The following PLPPR5 variants were observed in gnomAD, a reference collection of about 807,000 sequenced individuals.
PLPPR5 encodes phospholipid phosphatase related 5.
PLPPR5 carries 16 observed loss-of-function variants against 33.9 expected under a neutral mutation model. The observed-to-expected ratio is 0.47, with a 90% confidence interval of 0.32 to 0.72. The LOEUF is 0.72. PLPPR5 is among the 30% of genes least tolerant of loss of function. The probability of loss-of-function intolerance (pLI) is 0.03; values close to 1 mark genes in which losing one functional copy is unlikely to be tolerated. For missense variants in PLPPR5, 301 were observed against 406.7 expected (o/e 0.74, Z 2.23); for synonymous variants, 163 against 150.3 (o/e 1.08, Z -0.62).
intron 3 of PLPPR5, among the ~76,000 whole-genome samples, chr1:98,944,999 A>G (rs1470197622): frequency 1.3e-5 from 2 of 152,234 alleles, no homozygotes; most frequent in Admixed American, 1.3e-4. Flanking sequence ...GCTGCTCATT[A>G]TAAGTTGTTG....
At chr1:98,900,936 A>T (rs1473142724) in intron 5 of PLPPR5, among the ~76,000 whole-genome samples, 3 of 152,220 alleles carry the variant, frequency 2.0e-5, no homozygotes, top group Admixed American at 2.0e-4. Context: ...TGTTTTATAA[A>T]GGTAAATATA....
At chr1:98,995,877 G>T (rs1362562319) in intron 1 of PLPPR5, among the ~76,000 whole-genome samples, 3 of 152,056 alleles carry the variant, frequency 2.0e-5, no homozygotes, top group African/African-American at 7.2e-5. Flanking sequence ...ATGAACTTCA[G>T]TTGGTGTCTG....
chr1:98,985,994 C>A (rs888470337), intron 1 of PLPPR5, among the ~76,000 whole-genome samples: 1 of 151,952 alleles, frequency 6.6e-6, no homozygotes, highest in African/African-American at 2.4e-5. Context: ...GTTTAAGGAA[C>A]AACTGAAGTA....
chr1:98,954,887 CG>C (rs1650945388), intron 2 of PLPPR5, among the ~76,000 whole-genome samples: 1 of 151,994 alleles, frequency 6.6e-6, no homozygotes, highest in Non-Finnish European at 1.5e-5. Context: ...TTTGGTGTAA[CG>C]GGTTTTCCTG....
chr1:98,944,999 A>T (rs1470197622), intron 3 of PLPPR5, among the ~76,000 whole-genome samples: 1 of 152,352 alleles, frequency 6.6e-6, no homozygotes, highest in Middle Eastern at 3.4e-3. Flanking sequence ...GCTGCTCATT[A>T]TAAGTTGTTG....
chr1:98,940,324 T>C (rs1321512736), intron 3 of PLPPR5, among the ~76,000 whole-genome samples: 2 of 151,816 alleles, frequency 1.3e-5, no homozygotes, highest in Non-Finnish European at 2.9e-5. Flanking sequence ...CTGCTGTCTC[T>C]TCTTATAAGG....
intron 2 of PLPPR5, 146 bp from the exon 3 acceptor site, chr1:98,953,466 T>A (rs979947640): frequency 8.0e-7 from 1 of 1,246,862 alleles, no homozygotes; most frequent in Admixed American, 2.7e-5. Context: ...ATATACATAG[T>A]TCCTTTTATT....
intron 3 of PLPPR5, among the ~76,000 whole-genome samples, chr1:98,946,872 A>G (rs1327890888): frequency 3.9e-5 from 6 of 152,204 alleles, no homozygotes; most frequent in Non-Finnish European, 8.8e-5. Context: ...TTTTTAGGTG[A>G]AAAGAAAATG....
chr1:98,973,736 A>C (rs72730392), intron 1 of PLPPR5, among the ~76,000 whole-genome samples: 13,807 of 151,896 alleles, frequency 0.091, 721 homozygotes, highest in Non-Finnish European at 0.11. Context: ...TATAGAATGT[A>C]CTTGAAGAAC....
chr1:98,999,880 T>G (rs1384465994), intron 1 of PLPPR5, among the ~76,000 whole-genome samples: 3 of 152,196 alleles, frequency 2.0e-5, no homozygotes, highest in African/African-American at 7.2e-5. Flanking sequence ...TACCTTAATG[T>G]TCAAACCTGC....
rs11810586 is a variant in PLPPR5, at chr1:99,001,048, T to G, written c.237+3387A>C. Among the ~76,000 whole-genome samples, 400 of 152,260 alleles carry G rather than the reference T, an allele frequency of 2.6e-3. 1 individual carries two copies. Among genetic ancestry groups the G allele is most frequent in the African/African-American group, 9.2e-3 (382 of 41,556 alleles). On this transcript the variant is annotated intron_variant, in intron 1 of 5. Transcript: ENST00000263177. ...TTTACATATTGTAACTAATTTGATA[T>G]TCAAAACCTTGTCAATAAGGGAATT...
intron 1 of PLPPR5, among the ~76,000 whole-genome samples, chr1:98,980,903 T>C (rs1652040964): frequency 6.6e-6 from 1 of 152,086 alleles, no homozygotes; most frequent in Admixed American, 6.6e-5. Flanking sequence ...GCATTGTCCA[T>C]GATGCAAATA....
chr1:98,967,445 G>C (rs562428665), intron 1 of PLPPR5, among the ~76,000 whole-genome samples: 16 of 152,198 alleles, frequency 1.1e-4, no homozygotes, highest in Non-Finnish European at 4.4e-5. Context: ...AAAAATACTA[G>C]TAAATAAATG....
chr1:98,957,866 T>C (rs1651073230), intron 1 of PLPPR5, among the ~76,000 whole-genome samples: 1 of 152,206 alleles, frequency 6.6e-6, no homozygotes, highest in South Asian at 2.1e-4. Context: ...TGTTGACTTA[T>C]TAAAGGACCT....
rs1346028674 is a variant in PLPPR5, at chr1:99,004,781, G to A, written c.-110C>T. ...GGGGGCGCGGCGGCGGAGGCGGCGG[G>A]AGGACGAGGCACGGGAGGCGGGATG... On this transcript the variant is annotated 5_prime_UTR_variant, in exon 1 of 6. Coordinates refer to ENST00000263177, the MANE Select transcript of PLPPR5 (RefSeq NM_001037317.2). The A allele has an allele frequency of 1.2e-5, 7 of 606,398 alleles. No homozygotes were observed. In the East Asian group the frequency reaches 3.0e-4, roughly 26 times the overall value. The allele number at this position is 606,398 out of a possible 1,614,324, so 37.6% of individuals were successfully genotyped here. A position where few individuals can be genotyped will look rare whatever the true frequency, so the allele number is the denominator to read the frequency against.
At chr1:98,913,630 T>C (rs1452319089) in intron 5 of PLPPR5, among the ~76,000 whole-genome samples, 1 of 152,228 alleles carries the variant, frequency 6.6e-6, no homozygotes, top group Non-Finnish European at 1.5e-5. Flanking sequence ...CTTATTGCAG[T>C]CACTGAAGAA....
At chr1:98,935,662 G>A (rs952812969) in intron 3 of PLPPR5, among the ~76,000 whole-genome samples, 2 of 152,076 alleles carry the variant, frequency 1.3e-5, no homozygotes, top group Admixed American at 1.3e-4. Flanking sequence ...TTAAAAGCAA[G>A]GAATATGAGA....
At chr1:98,915,205 G>A (rs1054990099) in intron 4 of PLPPR5, among the ~76,000 whole-genome samples, 7 of 151,916 alleles carry the variant, frequency 4.6e-5, no homozygotes, top group Non-Finnish European at 8.8e-5. Context: ...TCATTACATC[G>A]AAGTATAGTC....
chr1:98,993,179 C>T (rs2100762372), intron 1 of PLPPR5, among the ~76,000 whole-genome samples: 1 of 152,168 alleles, frequency 6.6e-6, no homozygotes, highest in Middle Eastern at 3.4e-3. Flanking sequence ...CATTTAGTCT[C>T]TCTAGGCATT....
Sources: gnomAD v4.1 joint callset for allele counts (sites outside exome capture counted in the v4.1 genomes callset) on GRCh38, gnomAD v4.1.1 for gene constraint, MANE v1.5 for transcripts, NCBI Gene and HGNC (gene_info 2026-07-23, HGNC 2026-07-21) for gene names.